ABCA1: variants seen among roughly 807,000 people sequenced by gnomAD.
The protein encoded by ABCA1 is ATP binding cassette subfamily A member 1, also known as phospholipid-transporting ATPase ABCA1.
ABCA1 carries 133 observed loss-of-function variants against 262.5 expected under a neutral mutation model. The ratio of observed to expected loss-of-function variants is 0.51; its 90% CI spans 0.44 to 0.59. ABCA1 has a LOEUF of 0.59. ABCA1 is among the 20% of genes least tolerant of loss of function. ABCA1 has a pLI of 0.00. For missense variants in ABCA1, 2,452 were observed against 2,777.5 expected, an observed-to-expected ratio of 0.88 and a Z score of 2.63; for synonymous variants, 1,022 against 1,043.5, an observed-to-expected ratio of 0.98 and a Z score of 0.40.
intron 6 of ABCA1, among the ~76,000 whole-genome samples, chr9:104,859,857 T>C (rs1193137086): frequency 6.6e-6 from 1 of 151,960 alleles, no homozygotes; most frequent in Non-Finnish European, 1.5e-5. Flanking sequence ...TCAAGACCAG[T>C]CTGGCCAACC....
chr9:104,904,229 A>C (rs1840905186), intron 1 of ABCA1, among the ~76,000 whole-genome samples: 1 of 152,152 alleles, frequency 6.6e-6, no homozygotes, highest in Non-Finnish European at 1.5e-5. Context: ...GAACTTCCTT[A>C]CATACTAATT....
At chr9:104,839,688 T>C (rs930975410) in intron 9 of ABCA1, among the ~76,000 whole-genome samples, 7 of 152,228 alleles carry the variant, frequency 4.6e-5, no homozygotes, top group Non-Finnish European at 8.8e-5. Flanking sequence ...ATTTAAGGTA[T>C]ACAATGTGAT....
chr9:104,918,748 G>A (rs1841976099), intron 1 of ABCA1, among the ~76,000 whole-genome samples: 2 of 152,264 alleles, frequency 1.3e-5, no homozygotes, highest in African/African-American at 4.8e-5. Flanking sequence ...GTCAGTGTAA[G>A]CTCATCAGTC....
intron 14 of ABCA1, among the ~76,000 whole-genome samples, chr9:104,830,106 C>T (rs1410236047): frequency 6.6e-6 from 1 of 152,162 alleles, no homozygotes; most frequent in African/African-American, 2.4e-5. Flanking sequence ...ATCATTACAT[C>T]CAAAGGCATA....
At chr9:104,818,117 T>C (rs965771481) in intron 23 of ABCA1, among the ~76,000 whole-genome samples, 1 of 151,486 alleles carries the variant, frequency 6.6e-6, no homozygotes, top group African/African-American at 2.4e-5. Flanking sequence ...ATAATAAATA[T>C]AGTTACCTTC....
At chr9:104,785,874 T>G (rs1356638110) in intron 48 of ABCA1, among the ~76,000 whole-genome samples, 1 of 152,164 alleles carries the variant, frequency 6.6e-6, no homozygotes, top group Admixed American at 6.5e-5. Flanking sequence ...ACCCATGAAG[T>G]CTGACAGATG....
intron 1 of ABCA1, among the ~76,000 whole-genome samples, chr9:104,907,834 C>T (rs76365901): frequency 0.017 from 2,641 of 152,334 alleles, 81 homozygotes; most frequent in African/African-American, 0.061. Flanking sequence ...CCGAGGCGTA[C>T]GCTCTCTGGG....
chr9:104,888,968 T>G, intron 3 of ABCA1, 134 bp downstream of exon 3: 1 of 812,088 alleles, frequency 1.2e-6, no homozygotes, highest in African/African-American at 1.7e-5. Flanking sequence ...ATTAGAAGCC[T>G]AGGTTTTCTG....
At chr9:104,926,500 C>T (rs1416869193) in intron 1 of ABCA1, among the ~76,000 whole-genome samples, 4 of 152,040 alleles carry the variant, frequency 2.6e-5, no homozygotes, top group African/African-American at 7.2e-5. Context: ...GGGCTTTCGC[C>T]TCAACCTCAT....
intron 30 of ABCA1, 60 bp downstream of exon 30, chr9:104,809,406 T>A: frequency 6.7e-7 from 1 of 1,483,688 alleles, no homozygotes; most frequent in Non-Finnish European, 9.4e-7. Flanking sequence ...ATGCAGCATA[T>A]TAGAAATCAA....
In ABCA1 at chr9:104,817,942, A is replaced by G. The variant is rs1189226266; in HGVS notation, c.3463-538T>C. 6.6e-6 allele frequency among the ~76,000 whole-genome samples: 1 copy of G among 152,206 alleles called. No homozygotes were observed. The highest frequency in any genetic ancestry group is 2.1e-4 in the South Asian group (1 of 4,838). ...GAGTTTCAGGTTGGGATGTAAATACATTAGGTACCACTGGCTTCAACACAC... is the reference window on the plus strand; with the variant it reads ...GAGTTTCAGGTTGGGATGTAAATACGTTAGGTACCACTGGCTTCAACACAC... On this transcript the variant is annotated intron_variant, in intron 23 of 49. Transcript: ENST00000374736. The surrounding 1 kb of genome is among the most constrained non-coding windows in gnomAD (Gnocchi z 4.7).
intron 9 of ABCA1, among the ~76,000 whole-genome samples, chr9:104,839,875 C>T (rs544976454): frequency 4.1e-4 from 62 of 152,222 alleles, no homozygotes; most frequent in African/African-American, 1.4e-3. Context: ...CATCAAGATC[C>T]CAGGAACTTA....
intron 6 of ABCA1, 187 bp downstream of exon 6, chr9:104,861,492 A>G: frequency 2.7e-6 from 2 of 745,906 alleles, no homozygotes; most frequent in Non-Finnish European, 4.5e-6. Flanking sequence ...CAGGTTGCAT[A>G]TTCCACTCCT....
rs773860524 is a variant in ABCA1, at chr9:104,785,404, G to C, written c.6637C>G (p.Leu2213Val). Reference sequence around the variant, plus strand: ...TGACACTCAAAGCTTACTTGGTCAAGTGTTGTCTGAGAAACAGAGTAGTCT... The same window carrying C: ...TGACACTCAAAGCTTACTTGGTCAACTGTTGTCTGAGAAACAGAGTAGTCT... ...IEDYSVSQTTLDQVFVNFAKD... is the reference protein window; with the variant it reads ...IEDYSVSQTTVDQVFVNFAKD... The change falls in exon 49 of 50, where the codon CTT becomes GTT. Residue 2213 changes from leucine (L) to valine (V), a missense_variant. By Grantham distance (32) the Leu-to-Val change is conservative (BLOSUM62 1). This residue lies in a region of ABCA1 where 752 missense variants were observed against 944.5 expected (regional missense o/e 0.80). Coordinates refer to ENST00000374736, the MANE Select transcript of ABCA1 (RefSeq NM_005502.4). 1.2e-6 allele frequency: 2 copies of C among 1,613,902 alleles called. No homozygotes were observed. The highest frequency in any genetic ancestry group is 1.7e-6 in the Non-Finnish European group (2 of 1,179,926).
intron 32 of ABCA1, among the ~76,000 whole-genome samples, 178 bp downstream of exon 32, chr9:104,804,448 G>C (rs907591387): frequency 3.9e-5 from 6 of 152,176 alleles, no homozygotes; most frequent in Admixed American, 3.9e-4. Context: ...GCTGACAACT[G>C]AATGTTCACA....
chr9:104,925,306 G>A (rs1186157167), intron 1 of ABCA1, among the ~76,000 whole-genome samples: 1 of 128,764 alleles, frequency 7.8e-6, no homozygotes, highest in Non-Finnish European at 1.7e-5. Context: ...GAACCCAGGA[G>A]GTGGAGGTTG....
At chr9:104,804,165 C>A (rs1329009270) in intron 32 of ABCA1, among the ~76,000 whole-genome samples, 1 of 152,108 alleles carries the variant, frequency 6.6e-6, no homozygotes, top group African/African-American at 2.4e-5. Flanking sequence ...GGCTGCAGAG[C>A]CAAGGCAGGC....
chr9:104,811,642 C>A (rs1320118763), intron 28 of ABCA1, among the ~76,000 whole-genome samples: 2 of 152,186 alleles, frequency 1.3e-5, no homozygotes, highest in Non-Finnish European at 2.9e-5. Context: ...TTCCTTATAA[C>A]CTTAAAGATT....
At chr9:104,856,013 C>G (rs1047856615) in intron 7 of ABCA1, 1 of 1,612,716 alleles carries the variant, frequency 6.2e-7, no homozygotes, top group African/African-American at 1.3e-5. Flanking sequence ...GGCTTTGCAT[C>G]TCCGGTTGCT....
Sources: gnomAD v4.1 joint callset for allele counts (sites outside exome capture counted in the v4.1 genomes callset) on GRCh38, gnomAD v4.1.1 for gene constraint, gnomAD v4.1.1 regional missense constraint, Gnocchi (gnomAD v3.1) non-coding constraint, MANE v1.5 for transcripts, NCBI Gene and HGNC (gene_info 2026-07-23, HGNC 2026-07-21) for gene names.